The following TTC3 variants were observed in gnomAD, a reference collection of about 807,000 sequenced individuals.
The protein encoded by TTC3 is tetratricopeptide repeat domain 3, also known as E3 ubiquitin-protein ligase TTC3.
TTC3 carries 180 observed loss-of-function variants against 249.6 expected under a neutral mutation model. The ratio of observed to expected loss-of-function variants is 0.72; its 90% CI spans 0.64 to 0.82. The LOEUF (loss-of-function observed/expected upper bound fraction) is 0.82, where lower values mean the gene tolerates loss of function less well. Among genes scored for constraint, TTC3 ranks in the 40% least tolerant of loss-of-function variants. The pLI is 0.00. For synonymous variants in TTC3, 717 were observed against 805.0 expected (o/e 0.89, Z 1.85); for missense variants, 2,061 against 2,398.4 (o/e 0.86, Z 2.94).
exon 33 of TTC3, chr21:37,166,522 G>A (rs916378522): frequency 2.5e-6 from 4 of 1,614,096 alleles, no homozygotes; most frequent in South Asian, 1.1e-5. Flanking sequence ...GAAATGATGA[G>A]CACTGTGGAA....
At chr21:37,087,615 C>A (rs1332695059) in intron 2 of TTC3, among the ~76,000 whole-genome samples, 1 of 152,058 alleles carries the variant, frequency 6.6e-6, no homozygotes, top group Non-Finnish European at 1.5e-5. Context: ...AGGTGGTTTT[C>A]TGACAGGGCA....
Position 37,083,367 on chromosome 21 carries a change from G to A in TTC3, c.-11-3880G>A. The A allele has an allele frequency of 3.0e-6, 3 of 985,406 alleles. No individual in the cohort carries two copies. The South Asian group carries it at 1.4e-4, about 46-fold the overall frequency. 61.0% of individuals were successfully genotyped at this position (985,406 alleles called of 1,614,324 possible). A position where few individuals can be genotyped will look rare whatever the true frequency, so the allele number is the denominator to read the frequency against. On this transcript the variant is annotated intron_variant, in intron 1 of 45. Coordinates refer to ENST00000355666, the Ensembl canonical transcript of TTC3. Reference sequence around the variant, plus strand: ...CAAGCTGAAGGGAAGCTGTTGCATGGTTTTAAGCAGTAAAGTGATATGATC... The same window carrying A: ...CAAGCTGAAGGGAAGCTGTTGCATGATTTTAAGCAGTAAAGTGATATGATC...
intron 2 of TTC3, 58 bp downstream of exon 2, chr21:37,087,459 T>C: frequency 5.7e-6 from 9 of 1,590,002 alleles, no homozygotes; most frequent in Non-Finnish European, 6.9e-6. Context: ...TTTTCTGGTT[T>C]AGGGCTATCT....
exon 20 of TTC3, chr21:37,140,608 C>T: frequency 6.2e-7 from 1 of 1,605,634 alleles, no homozygotes; most frequent in South Asian, 1.1e-5. Flanking sequence ...TTGAACACTA[C>T]CCCAGTGAGG....
chr21:37,082,857 TA>T (rs2071890465), intron 1 of TTC3: 7 of 971,816 alleles, frequency 7.2e-6, no homozygotes, highest in Non-Finnish European at 8.6e-6. Flanking sequence ...GATTGTATTA[TA>T]AAAAATTTTA....
At chr21:37,148,893 C>T (rs1051341334) in intron 23 of TTC3, among the ~76,000 whole-genome samples, 5 of 152,016 alleles carry the variant, frequency 3.3e-5, no homozygotes, top group Non-Finnish European at 4.4e-5. Context: ...GTGGTGCAGT[C>T]GTAGCTCACT....
At chr21:37,163,870 C>T (rs1601905550) in intron 31 of TTC3, among the ~76,000 whole-genome samples, 181 bp from the exon 32 acceptor site, 1 of 152,102 alleles carries the variant, frequency 6.6e-6, no homozygotes, top group East Asian at 1.9e-4. Flanking sequence ...TATTTCTCGC[C>T]TATAACTGTG....
At position 37,169,329 on chromosome 21, in the gene TTC3, CA is replaced by C. The variant is rs1279813384; in HGVS notation, c.4467+1710del. ...ATAAATCTATCTATATTACCACATACATAGACCATTAATATGAGAGTGCCTG... is the reference window on the plus strand; with the variant it reads ...ATAAATCTATCTATATTACCACATACTAGACCATTAATATGAGAGTGCCTG... On this transcript the variant is annotated intron_variant, in intron 34 of 45. Transcript: ENST00000355666. 2.6e-5 allele frequency among the ~76,000 whole-genome samples: 4 copies of C among 152,256 alleles called. No individual in the cohort carries two copies. In the East Asian group the frequency reaches 7.7e-4, roughly 29 times the overall value.
At chr21:37,131,674 G>T (rs75205842) in intron 16 of TTC3, among the ~76,000 whole-genome samples, 6,653 of 152,254 alleles carry the variant, frequency 0.044, 235 homozygotes, top group Admixed American at 0.11. Context: ...CAGCTGAAGT[G>T]AGGGCAGTCT....
At chr21:37,151,392 G>A (rs1357407145) in intron 25 of TTC3, among the ~76,000 whole-genome samples, 2 of 151,562 alleles carry the variant, frequency 1.3e-5, no homozygotes, top group African/African-American at 4.8e-5. Context: ...CCTGCTTCTT[G>A]TTTTTCTTTC....
At chr21:37,095,234 C>T in intron 8 of TTC3, 116 bp from the exon 9 acceptor site, 1 of 641,412 alleles carries the variant, frequency 1.6e-6, no homozygotes, top group Non-Finnish European at 2.8e-6. Context: ...CATAAATAAT[C>T]CCCTATGTTA....
chr21:37,137,347 A>G (rs1390108858), intron 18 of TTC3, among the ~76,000 whole-genome samples: 2 of 152,236 alleles, frequency 1.3e-5, no homozygotes, highest in African/African-American at 4.8e-5. Flanking sequence ...TACCATAAAG[A>G]ACATTCATGA....
intron 30 of TTC3, 101 bp from the exon 31 acceptor site, chr21:37,161,889 G>A (rs943423510): frequency 5.6e-6 from 4 of 718,142 alleles, no homozygotes; most frequent in Non-Finnish European, 8.6e-6. Context: ...TCAGCAATTT[G>A]TATGTGTGTT....
intron 13 of TTC3, among the ~76,000 whole-genome samples, chr21:37,123,453 G>A (rs748645163): frequency 6.6e-6 from 1 of 152,194 alleles, no homozygotes; most frequent in Non-Finnish European, 1.5e-5. Flanking sequence ...GCTTCCTGAT[G>A]TCTTTCAAAG....
intron 31 of TTC3, among the ~76,000 whole-genome samples, chr21:37,162,537 A>T (rs1456023119): frequency 6.6e-6 from 1 of 152,242 alleles, no homozygotes; most frequent in African/African-American, 2.4e-5. Flanking sequence ...TCAATAAACA[A>T]ATATTTAAGA....
At chr21:37,134,721 C>T (rs2077773053) in intron 17 of TTC3, among the ~76,000 whole-genome samples, 1 of 152,128 alleles carries the variant, frequency 6.6e-6, no homozygotes. Flanking sequence ...AATATGAATT[C>T]AAATTATAAT....
At chr21:37,166,047 C>T in exon 33 of TTC3, 1 of 1,614,194 alleles carries the variant, frequency 6.2e-7, no homozygotes, top group Non-Finnish European at 8.5e-7. Flanking sequence ...TCTTCTAATT[C>T]TCCTAAACCA....
intron 11 of TTC3, among the ~76,000 whole-genome samples, chr21:37,110,886 G>T (rs913213756): frequency 1.3e-5 from 2 of 152,240 alleles, no homozygotes; most frequent in Non-Finnish European, 2.9e-5. Flanking sequence ...CCAGAAGAGA[G>T]TGGGGGCGAA....
At position 37,131,056 on chromosome 21, in the gene TTC3, A is replaced by G. The variant is rs992438697; in HGVS notation, c.1359-1626A>G. 5.3e-5 allele frequency among the ~76,000 whole-genome samples: 8 copies of G among 152,294 alleles called. No individual in the cohort carries two copies. In the East Asian group the frequency reaches 1.5e-3, roughly 29 times the overall value. On this transcript the variant is annotated intron_variant, in intron 16 of 45. Transcript: ENST00000355666. ...GGTGTGGTATAATAAAAATATATAT[A>G]TATTTGGTATTTGTCCCAGTTCCTG...
Sources: allele counts gnomAD v4.1 joint callset (sites outside exome capture counted in the v4.1 genomes callset), GRCh38; gene constraint gnomAD v4.1.1; transcripts MANE v1.5; gene names NCBI Gene and HGNC (gene_info 2026-07-23, HGNC 2026-07-21).